Variants in NKAIN1 observed in about 807,000 individuals in gnomAD.
The protein encoded by NKAIN1 is sodium/potassium transporting ATPase interacting 1, also known as sodium/potassium-transporting ATPase subunit beta-1-interacting protein 1.
Under a neutral mutation model 31.6 loss-of-function variants are expected in NKAIN1, and 13 were observed. The ratio of observed to expected loss-of-function variants is 0.41; its 90% CI spans 0.27 to 0.65. The LOEUF (loss-of-function observed/expected upper bound fraction) is 0.65. NKAIN1 is among the 30% of genes least tolerant of loss of function. The probability of loss-of-function intolerance (pLI) is 0.30; values close to 1 mark genes in which losing one functional copy is unlikely to be tolerated. For synonymous variants in NKAIN1, 104 were observed against 109.0 expected (o/e 0.95, Z 0.28); for missense variants, 193 against 262.2 (o/e 0.74, Z 1.82).
chr1:31,209,466 T>C (rs1645450474), intron 1 of NKAIN1, among the ~76,000 whole-genome samples: 1 of 151,874 alleles, frequency 6.6e-6, no homozygotes, highest in Admixed American at 6.6e-5. Context: ...AACAGCAGAT[T>C]CCACCTCCAG....
At chr1:31,205,007 T>C (rs1383617185) in intron 1 of NKAIN1, among the ~76,000 whole-genome samples, 1 of 152,240 alleles carries the variant, frequency 6.6e-6, no homozygotes, top group Admixed American at 6.5e-5. Flanking sequence ...CACCTCCTAA[T>C]GCCTCGGTTT....
At chr1:31,197,735 TG>T (rs1435817313) in intron 1 of NKAIN1, among the ~76,000 whole-genome samples, 1 of 151,190 alleles carries the variant, frequency 6.6e-6, no homozygotes, top group Non-Finnish European at 1.5e-5. Flanking sequence ...TTAGTAGAGA[TG>T]GGGTTTCACC....
intron 1 of NKAIN1, among the ~76,000 whole-genome samples, chr1:31,229,566 A>G (rs970456898): frequency 2.6e-5 from 4 of 151,542 alleles, no homozygotes; most frequent in East Asian, 3.9e-4. Flanking sequence ...TTTTTTTGAG[A>G]CGGAGTTTCG....
intron 1 of NKAIN1, among the ~76,000 whole-genome samples, chr1:31,219,273 T>G (rs1351220012): frequency 6.6e-6 from 1 of 152,248 alleles, no homozygotes; most frequent in Non-Finnish European, 1.5e-5. Flanking sequence ...TCAGTCCCAT[T>G]TCTGGCTGGG....
At chr1:31,232,396 C>CATATATATAT (rs371123492) in intron 1 of NKAIN1, among the ~76,000 whole-genome samples, 255 of 6,322 alleles carry the variant, frequency 0.04, 59 homozygotes, top group Non-Finnish European at 0.1. Context: ...TGGCCTACTT[C>CATATATATAT]ATATATATAT....
intron 1 of NKAIN1, among the ~76,000 whole-genome samples, chr1:31,204,436 C>G (rs1645407831): frequency 6.6e-6 from 1 of 152,156 alleles, no homozygotes. Flanking sequence ...AATTCCTACT[C>G]TACTTCTGCC....
intron 1 of NKAIN1, among the ~76,000 whole-genome samples, chr1:31,229,793 A>C (rs1198366191): frequency 6.6e-6 from 1 of 151,964 alleles, no homozygotes; most frequent in African/African-American, 2.4e-5. Context: ...GCCAGGCAGC[A>C]CCTCTTACCT....
intron 1 of NKAIN1, among the ~76,000 whole-genome samples, chr1:31,205,649 A>C (rs1645418221): frequency 5.7e-5 from 6 of 106,176 alleles, no homozygotes; most frequent in African/African-American, 7.5e-5. Context: ...ATGGAGTCTC[A>C]CTCTGTCACC....
At chr1:31,187,766 G>A (rs1645255700) in intron 2 of NKAIN1, among the ~76,000 whole-genome samples, 1 of 151,958 alleles carries the variant, frequency 6.6e-6, no homozygotes, top group Non-Finnish European at 1.5e-5. Flanking sequence ...TGAAGCATGT[G>A]AAATTTCGCA....
At chr1:31,234,927 C>T (rs954330700) in intron 1 of NKAIN1, among the ~76,000 whole-genome samples, 2 of 152,258 alleles carry the variant, frequency 1.3e-5, no homozygotes, top group East Asian at 1.9e-4. Flanking sequence ...CACACCCCTT[C>T]GCACCTCAAT....
At chr1:31,222,610 T>C (rs1251550865) in intron 1 of NKAIN1, among the ~76,000 whole-genome samples, 1 of 152,140 alleles carries the variant, frequency 6.6e-6, no homozygotes, top group Non-Finnish European at 1.5e-5. Context: ...ATGCATCCTC[T>C]TCAACCAGGA....
chr1:31,179,885 C>G lies in NKAIN1; in HGVS notation c.*1818G>C, dbSNP rs1364837088. 6.6e-6 allele frequency: 1 copy of G among 152,328 alleles called. No homozygotes were observed. Among genetic ancestry groups the G allele is most frequent in the Admixed American group, 6.5e-5 (1 of 15,274 alleles). 9.4% of individuals were successfully genotyped at this position (152,328 alleles called of 1,614,324 possible). ...ATAAAAACAAAAGGCTTCAAAGCAC[C>G]AGTGGCTACACCCGTTGAGTAGAAA... On this transcript the variant is annotated 3_prime_UTR_variant, in exon 7 of 7. Transcript: ENST00000373736.
intron 1 of NKAIN1, among the ~76,000 whole-genome samples, chr1:31,197,926 G>A (rs1026583150): frequency 6.6e-5 from 10 of 151,992 alleles, no homozygotes; most frequent in South Asian, 2.1e-4. Context: ...GTGTGATCGC[G>A]GCTCACTGCA....
Position 31,195,061 on chromosome 1 carries a change from G to A in NKAIN1, c.55-6874C>T, listed in dbSNP as rs142848857. On this transcript the variant is annotated intron_variant, in intron 1 of 6. Transcript: ENST00000373736. ...GTTGGGATTACAGGCGTGAGCCACC[G>A]CGCCTGACTCTTTCTTTTTTTCTTT... is the stretch of plus-strand genomic sequence containing the variant. 4.0e-3 allele frequency among the ~76,000 whole-genome samples: 607 copies of A among 150,918 alleles called. 34 individuals carry two copies. The East Asian group carries it at 0.095, about 24-fold the overall frequency.
rs567106940 is a variant in NKAIN1 at position 31,218,930 on chromosome 1, A to G, written c.54+20564T>C. Among the ~76,000 whole-genome samples, 5 of 152,314 alleles carry G rather than the reference A, an allele frequency of 3.3e-5. 1 individual carries two copies. In the South Asian group the frequency reaches 1.0e-3, roughly 32 times the overall value. Reference sequence around the variant, plus strand: ...CTCGTGGGGCTGCTGACCAGCAGACAGGCAGTGACAGGCTGAGCAGCTGGC... The same window carrying G: ...CTCGTGGGGCTGCTGACCAGCAGACGGGCAGTGACAGGCTGAGCAGCTGGC... On this transcript the variant is annotated intron_variant, in intron 1 of 6. Coordinates refer to ENST00000373736, the MANE Select transcript of NKAIN1 (RefSeq NM_024522.3).
intron 1 of NKAIN1, among the ~76,000 whole-genome samples, chr1:31,200,027 A>G (rs12062904): frequency 0.027 from 3,976 of 147,324 alleles, 162 homozygotes; most frequent in African/African-American, 0.092. Context: ...ACACACACGC[A>G]CACACACACA....
intron 1 of NKAIN1, among the ~76,000 whole-genome samples, chr1:31,208,834 T>A (rs1490973278): frequency 6.6e-6 from 1 of 152,174 alleles, no homozygotes; most frequent in African/African-American, 2.4e-5. Flanking sequence ...GTCTATAACA[T>A]GCTGTCGGAC....
At chr1:31,232,424 T>TATATATATATATATATAG (rs1313157898) in intron 1 of NKAIN1, among the ~76,000 whole-genome samples, 3 of 16,922 alleles carry the variant, frequency 1.8e-4, no homozygotes, top group Non-Finnish European at 3.4e-4. Context: ...TATATATATA[T>TATATATATATATATATAG]AGAGAGAGAG....
chr1:31,230,517 C>CTAAAACCT (rs1161555723), intron 1 of NKAIN1, among the ~76,000 whole-genome samples: 1 of 152,180 alleles, frequency 6.6e-6, no homozygotes, highest in East Asian at 1.9e-4. Flanking sequence ...AACGGCTCTT[C>CTAAAACCT]TAAAACCTTA....
Sources: allele counts gnomAD v4.1 joint callset (sites outside exome capture counted in the v4.1 genomes callset), GRCh38; gene constraint gnomAD v4.1.1; transcripts MANE v1.5; gene names NCBI Gene and HGNC (gene_info 2026-07-23, HGNC 2026-07-21).